Variants in GRIP1 observed in about 807,000 individuals in gnomAD.
GRIP1 encodes glutamate receptor-interacting protein 1.
GRIP1 carries 45 observed loss-of-function variants against 129.9 expected under a neutral mutation model. That is an observed-to-expected ratio of 0.35 (90% CI 0.27 to 0.44). GRIP1 has a LOEUF of 0.44. Among genes scored for constraint, GRIP1 ranks in the 20% least tolerant of loss-of-function variants. GRIP1 has a pLI of 1.00. For missense variants in GRIP1, 1,196 were observed against 1,396.8 expected (o/e 0.86, Z 2.29); for synonymous variants, 530 against 520.8 (o/e 1.02, Z -0.24).
intron 1 of GRIP1, among the ~76,000 whole-genome samples, chr12:66,886,340 CATAAT>C (rs2040566680): frequency 6.6e-6 from 1 of 152,046 alleles, no homozygotes; most frequent in African/African-American, 2.4e-5. Context: ...TCATGAGAAA[CATAAT>C]AAAATGACTA....
chr12:66,357,403 C>T (rs116948122), intron 23 of GRIP1, among the ~76,000 whole-genome samples: 6 of 152,072 alleles, frequency 3.9e-5, no homozygotes, highest in Non-Finnish European at 7.4e-5. Flanking sequence ...TGATTTCAGT[C>T]GAGGTTAGCT....
At chr12:66,669,291 G>A (rs1016247717) in intron 1 of GRIP1, among the ~76,000 whole-genome samples, 8 of 152,106 alleles carry the variant, frequency 5.3e-5, no homozygotes, top group African/African-American at 1.9e-4. Context: ...GGGAGGCTGA[G>A]GCAAGAGAAT....
intron 1 of GRIP1, among the ~76,000 whole-genome samples, chr12:67,016,643 A>T (rs2042792253): frequency 6.6e-6 from 1 of 152,182 alleles, no homozygotes; most frequent in Non-Finnish European, 1.5e-5. Flanking sequence ...AAAGGGAATT[A>T]AAGTCTGAAC....
intron 8 of GRIP1, among the ~76,000 whole-genome samples, chr12:66,463,584 C>A (rs1435186040): frequency 6.6e-6 from 1 of 152,094 alleles, no homozygotes; most frequent in Non-Finnish European, 1.5e-5. Flanking sequence ...TCCTTGGAAT[C>A]CTCACACAAA....
intron 1 of GRIP1, among the ~76,000 whole-genome samples, chr12:66,992,383 AT>A (rs11292067): frequency 0.73 from 110,208 of 151,612 alleles, 40,305 homozygotes; most frequent in African/African-American, 0.79. Flanking sequence ...GAAAAAAAAA[AT>A]TTTTTTTTAA....
intron 11 of GRIP1, among the ~76,000 whole-genome samples, chr12:66,450,882 A>G (rs1222757548): frequency 2.6e-5 from 4 of 152,214 alleles, no homozygotes; most frequent in African/African-American, 9.6e-5. Flanking sequence ...GAGCTTGATT[A>G]TCCTGCTTCA....
At chr12:66,460,607 G>A (rs1488330029) in intron 9 of GRIP1, among the ~76,000 whole-genome samples, 1 of 152,120 alleles carries the variant, frequency 6.6e-6, no homozygotes, top group Admixed American at 6.5e-5. Context: ...ATTTATCAGT[G>A]AAAGGCATAG....
intron 1 of GRIP1, among the ~76,000 whole-genome samples, chr12:66,628,226 C>T (rs1294822716): frequency 6.6e-6 from 1 of 152,136 alleles, no homozygotes; most frequent in Non-Finnish European, 1.5e-5. Flanking sequence ...TCACAGATAC[C>T]AGAGAACATG....
chr12:66,392,935 G>T, intron 17 of GRIP1, 119 bp from the exon 18 acceptor site: 1 of 972,206 alleles, frequency 1.0e-6, no homozygotes, highest in Non-Finnish European at 1.7e-6. Flanking sequence ...ATCTCCAGAA[G>T]TCCCTTCTTG....
chr12:66,443,000 G>C (rs997962660), intron 13 of GRIP1, among the ~76,000 whole-genome samples: 10 of 152,102 alleles, frequency 6.6e-5, no homozygotes, highest in Non-Finnish European at 1.5e-4. Flanking sequence ...ATATTTGTTG[G>C]AATAATGTGA....
At chr12:66,393,169 A>ATTTTTTT (rs60982107) in intron 17 of GRIP1, among the ~76,000 whole-genome samples, 2 of 78,842 alleles carry the variant, frequency 2.5e-5, no homozygotes, top group Non-Finnish European at 4.2e-5. Context: ...CTTTCTACAG[A>ATTTTTTT]TTTTTTTTTT....
chr12:66,385,735 G>C (rs1375304171), intron 19 of GRIP1, among the ~76,000 whole-genome samples: 1 of 151,882 alleles, frequency 6.6e-6, no homozygotes, highest in Non-Finnish European at 1.5e-5. Flanking sequence ...TCAGCTTCCT[G>C]AGTAGCTGGG....
At chr12:66,682,393 C>A (rs2034621064), upstream of GRIP1, among the ~76,000 whole-genome samples, 1 of 152,132 alleles carries the variant, frequency 6.6e-6, no homozygotes, top group Non-Finnish European at 1.5e-5. Context: ...TCCTGACTGG[C>A]CTGTGTCATG....
intron 7 of GRIP1, among the ~76,000 whole-genome samples, chr12:66,486,029 C>A (rs906544958): frequency 6.6e-6 from 1 of 151,946 alleles, no homozygotes. Context: ...TTTAATAGAT[C>A]TTAATATCTA....
chr12:67,067,415 A>G (rs1346892951), intron 1 of GRIP1, among the ~76,000 whole-genome samples: 1 of 152,108 alleles, frequency 6.6e-6, no homozygotes, highest in Admixed American at 6.6e-5. Context: ...TAGGACAGTC[A>G]CTCCATGCTT....
chr12:67,032,829 T>C (rs563927984), intron 1 of GRIP1, among the ~76,000 whole-genome samples: 20 of 152,196 alleles, frequency 1.3e-4, no homozygotes, highest in African/African-American at 4.8e-4. Context: ...TAATCTTAAA[T>C]ATTTCAGGAG....
intron 1 of GRIP1, among the ~76,000 whole-genome samples, chr12:66,643,582 G>GTAT (rs1282472135): frequency 1.3e-5 from 2 of 151,862 alleles, no homozygotes; most frequent in Admixed American, 6.6e-5. Flanking sequence ...ATTGGTTTTG[G>GTAT]TATTATTATT....
intron 5 of GRIP1, among the ~76,000 whole-genome samples, chr12:66,522,931 G>A (rs1023604809): frequency 1.3e-5 from 2 of 152,140 alleles, no homozygotes; most frequent in African/African-American, 2.4e-5. Context: ...GAGTATCAGT[G>A]ATGGAAGATG....
At chr12:66,726,899 C>T (rs1215755902) in intron 1 of GRIP1, among the ~76,000 whole-genome samples, 1 of 152,124 alleles carries the variant, frequency 6.6e-6, no homozygotes, top group East Asian at 1.9e-4. Context: ...CCAATGTGCC[C>T]TTCAGGATAT....
Sources: allele counts gnomAD v4.1 joint callset (sites outside exome capture counted in the v4.1 genomes callset), GRCh38; gene constraint gnomAD v4.1.1; transcripts MANE v1.5; gene names NCBI Gene and HGNC (gene_info 2026-07-23, HGNC 2026-07-21).